SIRPA: variants seen among roughly 807,000 people sequenced by gnomAD.
The protein encoded by SIRPA is signal regulatory protein alpha.
SIRPA carries 9 observed loss-of-function variants against 50.3 expected under a neutral mutation model. That is an observed-to-expected ratio of 0.18 (90% CI 0.11 to 0.31). The LOEUF (loss-of-function observed/expected upper bound fraction) is 0.31, where lower values mean the gene tolerates loss of function less well. SIRPA is among the 10% of genes least tolerant of loss of function. The pLI is 1.00. For missense variants in SIRPA, 474 were observed against 661.6 expected (o/e 0.72, Z 3.11); for synonymous variants, 265 against 284.1 (o/e 0.93, Z 0.68).
At chr20:1,896,868 G>A (rs1363959035) in intron 1 of SIRPA, among the ~76,000 whole-genome samples, 2 of 150,090 alleles carry the variant, frequency 1.3e-5, no homozygotes, top group African/African-American at 4.9e-5. Flanking sequence ...TCTCTCCAGT[G>A]AGTGGCATCT....
At chr20:1,923,594 T>A (rs1985794601) in intron 4 of SIRPA, among the ~76,000 whole-genome samples, 1 of 152,142 alleles carries the variant, frequency 6.6e-6, no homozygotes, top group Non-Finnish European at 1.5e-5. Flanking sequence ...TCCTAGGACG[T>A]GTAGGGCATC....
intron 6 of SIRPA, among the ~76,000 whole-genome samples, chr20:1,929,121 G>T (rs1986155983): frequency 6.6e-6 from 1 of 152,174 alleles, no homozygotes; most frequent in African/African-American, 2.4e-5. Flanking sequence ...ATGATGATCT[G>T]GAGTGGGGCC....
At chr20:1,906,010 C>T (rs1264305309) in intron 1 of SIRPA, among the ~76,000 whole-genome samples, 1 of 152,210 alleles carries the variant, frequency 6.6e-6, no homozygotes, top group Non-Finnish European at 1.5e-5. Flanking sequence ...GGCTTAAGGA[C>T]GTGGTCATCT....
chr20:1,898,056 A>G lies in SIRPA; in HGVS notation c.79+2530A>G, dbSNP rs992813354. ...AGGTAGGCCTTGAGACCTCTGAGTCACCCCCCAGGCCGACCTCAGATAAAC... is the reference window on the plus strand; with the variant it reads ...AGGTAGGCCTTGAGACCTCTGAGTCGCCCCCCAGGCCGACCTCAGATAAAC... On this transcript the variant is annotated intron_variant, in intron 1 of 7. Coordinates refer to ENST00000358771, the MANE Select transcript of SIRPA (RefSeq NM_001040023.2). This position sits in a 1 kb window ranked among gnomAD's most constrained non-coding sequence, Gnocchi z 4.3. 6.6e-6 allele frequency among the ~76,000 whole-genome samples: 1 copy of G among 152,104 alleles called. No individual in the cohort carries two copies. Among genetic ancestry groups the G allele is most frequent in the Non-Finnish European group, 1.5e-5 (1 of 67,964 alleles).
intron 1 of SIRPA, among the ~76,000 whole-genome samples, chr20:1,903,011 C>CAAA (rs58735842): frequency 0.012 from 1,114 of 90,774 alleles, 54 homozygotes; most frequent in African/African-American, 0.042. Context: ...GACTCTGTCT[C>CAAA]AAAAAAAAAA....
rs139768553 is a variant in SIRPA at position 1,910,011 on chromosome 20, C to T, written c.80-5088C>T. On this transcript the variant is annotated intron_variant, in intron 1 of 7. Coordinates refer to ENST00000358771, the MANE Select transcript of SIRPA (RefSeq NM_001040023.2). ...TTCAAAGAAGAGAAAGGAGATGTGGCGGGAGAAGCAGGTCACAGGAAGGGG... is the reference window on the plus strand; with the variant it reads ...TTCAAAGAAGAGAAAGGAGATGTGGTGGGAGAAGCAGGTCACAGGAAGGGG... Among the ~76,000 whole-genome samples, 398 of 152,208 alleles carry T rather than the reference C, an allele frequency of 2.6e-3. 1 individual carries two copies. The highest frequency in any genetic ancestry group is 8.7e-3 in the African/African-American group (363 of 41,516).
intron 1 of SIRPA, among the ~76,000 whole-genome samples, chr20:1,909,596 A>G (rs1023519840): frequency 2.6e-5 from 4 of 152,218 alleles, no homozygotes; most frequent in Non-Finnish European, 5.9e-5. Flanking sequence ...AGCCTGGCCA[A>G]CATGGTGAAA....
At chr20:1,921,778 C>T in intron 3 of SIRPA, 66 bp downstream of exon 3, 1 of 1,595,912 alleles carries the variant, frequency 6.3e-7, no homozygotes, top group Non-Finnish European at 8.6e-7. Flanking sequence ...CCACCCTCCA[C>T]TCATCCAGCT....
intron 2 of SIRPA, among the ~76,000 whole-genome samples, chr20:1,916,442 A>G (rs75364856): frequency 0.045 from 6,850 of 152,276 alleles, 181 homozygotes; most frequent in Non-Finnish European, 0.048. Context: ...TTCATTAGCC[A>G]TTGTTTACAT....
At position 1,921,718 on chromosome 20, in the gene SIRPA, A is replaced by G. The variant is rs149287513; in HGVS notation, c.754+6A>G. 0.013 allele frequency: 20,097 copies of G among 1,579,406 alleles called. 473 individuals are homozygous for G. The highest frequency in any genetic ancestry group is 0.04 in the Middle Eastern group (232 of 5,864). On this transcript the variant is annotated splice_donor_region_variant and intron_variant, in intron 3 of 7. Transcript: ENST00000358771. ...CTTGTCTGAGACCATCCGAGGTAGA[A>G]GACCCTCACCCAGCCCAAGCCCACA...
intron 6 of SIRPA, among the ~76,000 whole-genome samples, chr20:1,929,194 C>T (rs2267906): frequency 0.83 from 125,593 of 151,894 alleles, 52,435 homozygotes; most frequent in Middle Eastern, 0.9. Flanking sequence ...AAGATGGACA[C>T]GATCTGACTT....
chr20:1,922,633 A>C lies in SIRPA; in HGVS notation c.1075A>C (p.Asn359His). ...VSAHPKEQGSNTAAENTGSNE... is the reference protein window; with the variant it reads ...VSAHPKEQGSHTAAENTGSNE... ...AGCCCACCCGAAGGAGCAGGGCTCA[A>C]ATACCGCCGCTGGTGAGGCCTCTAT... is the stretch of plus-strand genomic sequence containing the variant. Residue 359 changes from asparagine (N) to histidine (H), a missense_variant, in exon 4 of 8, where the codon AAT becomes CAT. By Grantham distance (68) the Asn-to-His change is moderately conservative. Coordinates refer to ENST00000358771, the MANE Select transcript of SIRPA (RefSeq NM_001040023.2). 1 of 1,612,102 alleles carries C rather than the reference A, an allele frequency of 6.2e-7. No individual in the cohort carries two copies. The highest frequency in any genetic ancestry group is 8.5e-7 in the Non-Finnish European group (1 of 1,179,068).
In SIRPA at chr20:1,927,037, C is replaced by A. The variant is rs574475632; in HGVS notation, c.1202-838C>A. On this transcript the variant is annotated intron_variant, in intron 5 of 7. Coordinates refer to ENST00000358771, the MANE Select transcript of SIRPA (RefSeq NM_001040023.2). The surrounding 1 kb of genome is among the most constrained non-coding windows in gnomAD (Gnocchi z 6.5). ...GCACTTTGCAACCTGTCAGCCTCCA[C>A]TCAGACTTTCGGTGCTGAGCACAGC... is the stretch of plus-strand genomic sequence containing the variant. Among the ~76,000 whole-genome samples the A allele has an allele frequency of 1.2e-4, 18 of 152,356 alleles. No homozygotes were observed. The highest frequency in any genetic ancestry group is 7.8e-4 in the Admixed American group (12 of 15,312).
At chr20:1,896,385 C>G (rs1172756002) in intron 1 of SIRPA, among the ~76,000 whole-genome samples, 1 of 145,954 alleles carries the variant, frequency 6.9e-6, no homozygotes, top group Non-Finnish European at 1.5e-5. Flanking sequence ...GGTGAGGTCA[C>G]CATTCAGGAG....
chr20:1,931,833 T>A (rs747135617), intron 6 of SIRPA, among the ~76,000 whole-genome samples: 18 of 152,312 alleles, frequency 1.2e-4, no homozygotes, highest in African/African-American at 4.1e-4. Flanking sequence ...GAAAAATGTG[T>A]CTCTGCTCCC....
intron 1 of SIRPA, among the ~76,000 whole-genome samples, chr20:1,901,134 G>C (rs371800194): frequency 1.2e-5 from 1 of 81,236 alleles, no homozygotes; most frequent in African/African-American, 3.5e-5. Context: ...TCTCATTTTT[G>C]TTTTTGTTTT....
chr20:1,914,365 G>A (rs1985093210), intron 1 of SIRPA, among the ~76,000 whole-genome samples: 1 of 152,184 alleles, frequency 6.6e-6, no homozygotes. Context: ...GCTGTCCCCA[G>A]CCTTGGCTTA....
Position 1,924,710 on chromosome 20 carries a change from G to C in SIRPA, c.1088-54G>C, listed in dbSNP as rs1435896369. 2.8e-6 allele frequency: 4 copies of C among 1,447,436 alleles called. No individual in the cohort carries two copies. In the East Asian group the frequency reaches 6.8e-5, roughly 25 times the overall value. 89.7% of individuals were successfully genotyped at this position (1,447,436 alleles called of 1,614,324 possible). A position where few individuals can be genotyped will look rare whatever the true frequency, so the allele number is the denominator to read the frequency against. On this transcript the variant is annotated intron_variant, in intron 4 of 7. Coordinates refer to ENST00000358771, the MANE Select transcript of SIRPA (RefSeq NM_001040023.2). This position sits in a 1 kb window ranked among gnomAD's most constrained non-coding sequence, Gnocchi z 4.5. ...AGTGGTGAAAAGCAGTGGTGGGTTT[G>C]GTTTTCTGTTTTTAATCTGCATACG...
At chr20:1,907,139 G>T (rs1257484517) in intron 1 of SIRPA, among the ~76,000 whole-genome samples, 1 of 152,124 alleles carries the variant, frequency 6.6e-6, no homozygotes, top group East Asian at 1.9e-4. Flanking sequence ...CCCCTTCCCT[G>T]CAGGGATGTG....
Sources: gnomAD v4.1 joint callset for allele counts (sites outside exome capture counted in the v4.1 genomes callset) on GRCh38, gnomAD v4.1.1 for gene constraint, Gnocchi (gnomAD v3.1) non-coding constraint, MANE v1.5 for transcripts, NCBI Gene and HGNC (gene_info 2026-07-23, HGNC 2026-07-21) for gene names.